Variants in ABCG1 observed in about 807,000 individuals in gnomAD.
The protein encoded by ABCG1 is ATP binding cassette subfamily G member 1.
ABCG1 carries 29 observed loss-of-function variants against 69.2 expected under a neutral mutation model. The ratio of observed to expected loss-of-function variants is 0.42; its 90% confidence interval spans 0.31 to 0.57. ABCG1 has a LOEUF of 0.57. Ranked by LOEUF, ABCG1 falls within the 20% of genes least tolerant of loss-of-function variation. The pLI is 0.15. For synonymous variants in ABCG1, 370 were observed against 374.8 expected, an observed-to-expected ratio of 0.99 and a Z score of 0.15; for missense variants, 718 against 898.1, an observed-to-expected ratio of 0.80 and a Z score of 2.56.
intron 11 of ABCG1, 101 bp from the exon 12 acceptor site, chr21:42,290,991 C>A: frequency 1.2e-6 from 1 of 843,550 alleles, no homozygotes; most frequent in Non-Finnish European, 2.0e-6. Flanking sequence ...TAGGCCAGAG[C>A]TGGGTTACCA....
chr21:42,252,584 G>C (rs1323358847), intron 2 of ABCG1, among the ~76,000 whole-genome samples: 1 of 151,998 alleles, frequency 6.6e-6, no homozygotes, highest in African/African-American at 2.4e-5. Context: ...GGTTGGTGTT[G>C]GACTATGATT....
intron 2 of ABCG1, among the ~76,000 whole-genome samples, chr21:42,238,866 C>T (rs1297475846): frequency 1.3e-5 from 2 of 152,200 alleles, no homozygotes; most frequent in Admixed American, 6.5e-5. Context: ...TGGTGGGAGC[C>T]ACAGTCTCAC....
Position 42,219,226 on chromosome 21 carries a change from CCGCCG to C in ABCG1, c.-35_-31del. On this transcript the variant is annotated 5_prime_UTR_variant, in exon 1 of 15. Coordinates refer to ENST00000398449, the MANE Select transcript of ABCG1 (RefSeq NM_016818.3). This position sits in a 1 kb window ranked among gnomAD's most constrained non-coding sequence, Gnocchi z 5.3. ...CCCCGCAGCTCAAGCCTCGTCCCCG[CCGCCG>C]CCGCCGCCGCCGCCGCCGCCGCCCC... 2 of 1,078,494 alleles carry C rather than the reference CCGCCG, an allele frequency of 1.9e-6. No individual in the cohort carries two copies. 66.8% of individuals were successfully genotyped at this position (1,078,494 alleles called of 1,614,324 possible). A position where few individuals can be genotyped will look rare whatever the true frequency, so the allele number is the denominator to read the frequency against.
In ABCG1 at chr21:42,219,620, G is replaced by A. The variant is rs2067688117; in HGVS notation, c.42+316G>A. ...TTGACCTGATGGCTTCTGGGCGGGG[G>A]GCGTGGGGAGCTGGGGACCCGGAGC... On this transcript the variant is annotated intron_variant, in intron 1 of 14. Coordinates refer to ENST00000398449, the MANE Select transcript of ABCG1 (RefSeq NM_016818.3). This position sits in a 1 kb window ranked among gnomAD's most constrained non-coding sequence, Gnocchi z 5.3. 6.6e-6 allele frequency among the ~76,000 whole-genome samples: 1 copy of A among 152,174 alleles called. No homozygotes were observed. Among genetic ancestry groups the A allele is most frequent in the Non-Finnish European group, 1.5e-5 (1 of 68,028 alleles).
rs560741226 is a variant in ABCG1, at chr21:42,244,066, A to G, written c.286+18152A>G. 1.1e-3 allele frequency among the ~76,000 whole-genome samples: 167 copies of G among 152,100 alleles called. 1 individual carries two copies. The highest frequency in any genetic ancestry group is 8.2e-3 in the Admixed American group (126 of 15,294). ...AATCTCCTGACCTCGTGATCCGCCC[A>G]TCTCGGCCTCCCAAAGTGCTGGGAT... On this transcript the variant is annotated intron_variant, in intron 2 of 14. Transcript: ENST00000398449.
intron 1 of ABCG1, among the ~76,000 whole-genome samples, chr21:42,222,727 A>G (rs998862697): frequency 3.3e-5 from 5 of 152,212 alleles, no homozygotes; most frequent in African/African-American, 7.2e-5. Context: ...CATAAACTAT[A>G]TAGGTTAGAG....
At chr21:42,224,194 T>A (rs1223451308) in intron 1 of ABCG1, among the ~76,000 whole-genome samples, 1 of 152,038 alleles carries the variant, frequency 6.6e-6, no homozygotes, top group East Asian at 1.9e-4. Context: ...TTTGTTGACA[T>A]CCCCCCTCCA....
chr21:42,260,358 G>A (rs555780443), intron 2 of ABCG1, among the ~76,000 whole-genome samples: 52 of 152,344 alleles, frequency 3.4e-4, no homozygotes, highest in Non-Finnish European at 5.6e-4. Flanking sequence ...CTCCTGCCAG[G>A]GGCTCATCAC....
intron 2 of ABCG1, among the ~76,000 whole-genome samples, chr21:42,234,835 G>A (rs2067954030): frequency 6.6e-6 from 1 of 151,190 alleles, no homozygotes; most frequent in Admixed American, 6.6e-5. Context: ...GGGCGGGTGC[G>A]CGCTGCCGCG....
intron 10 of ABCG1, 91 bp from the exon 11 acceptor site, chr21:42,289,959 G>T: frequency 2.1e-6 from 3 of 1,455,390 alleles, no homozygotes; most frequent in Admixed American, 3.5e-5. Flanking sequence ...AGAGTTCAGG[G>T]TCCCATGCTT....
intron 1 of ABCG1, among the ~76,000 whole-genome samples, chr21:42,224,914 T>G (rs1196695238): frequency 6.6e-6 from 1 of 152,298 alleles, no homozygotes; most frequent in East Asian, 1.9e-4. Context: ...AGATTAGGTA[T>G]TCTCTTGATG....
In ABCG1 at chr21:42,271,112, G is replaced by A. The variant is rs751574074; in HGVS notation, c.329G>A (p.Ser110Asn). The change falls in exon 3 of 15, where the codon AGT (serine) becomes AAT (asparagine). Residue 110 changes from serine to asparagine, a missense_variant. Physicochemically the swap from Ser to Asn is conservative, Grantham distance 46. Coordinates refer to ENST00000398449, the MANE Select transcript of ABCG1 (RefSeq NM_016818.3). ...LLKGISGKFN[S>N]GELVAIMGPS... The stretch of plus-strand genomic sequence containing the variant: ...AAAGGAATTTCCGGGAAGTTCAATA[G>A]TGGTGAGTTGGTGGCCATTATGGGT... 11 of 1,581,390 alleles carry A rather than the reference G, an allele frequency of 7.0e-6. No homozygotes were observed. The highest frequency in any genetic ancestry group is 9.4e-6 in the Non-Finnish European group (11 of 1,166,812).
At chr21:42,220,417 A>G (rs1217740144) in intron 1 of ABCG1, among the ~76,000 whole-genome samples, 1 of 150,730 alleles carries the variant, frequency 6.6e-6, no homozygotes, top group African/African-American at 2.5e-5. Context: ...CCTTGAGCTC[A>G]AGAGAAAAAA....
intron 2 of ABCG1, among the ~76,000 whole-genome samples, chr21:42,233,090 C>G (rs225441): frequency 0.44 from 67,415 of 152,064 alleles, 15,533 homozygotes; most frequent in African/African-American, 0.57. Context: ...TGTGAAAAAA[C>G]GCAAAAAGAT....
At chr21:42,239,889 G>T (rs2068026911) in intron 2 of ABCG1, among the ~76,000 whole-genome samples, 1 of 152,252 alleles carries the variant, frequency 6.6e-6, no homozygotes, top group African/African-American at 2.4e-5. Flanking sequence ...GAATCAGCTA[G>T]CTGGGCAAGG....
At position 42,222,957 on chromosome 21, in the gene ABCG1, T is replaced by C. The variant is rs530814018; in HGVS notation, c.43-2714T>C. On this transcript the variant is annotated intron_variant, in intron 1 of 14. Coordinates refer to ENST00000398449, the MANE Select transcript of ABCG1 (RefSeq NM_016818.3). ...TACCAACAGCAGATCCAGGCCACCA[T>C]CACCCCACCTGGCTCACAGCAGGAG... 2.0e-5 allele frequency among the ~76,000 whole-genome samples: 3 copies of C among 152,250 alleles called. No homozygotes were observed. In the South Asian group the frequency reaches 6.2e-4, roughly 32 times the overall value.
chr21:42,243,348 C>T (rs1189723006), intron 2 of ABCG1, among the ~76,000 whole-genome samples: 2 of 151,748 alleles, frequency 1.3e-5, no homozygotes, highest in Admixed American at 6.6e-5. Context: ...GGCAGAAGTG[C>T]CTGGATTCAG....
intron 14 of ABCG1, chr21:42,295,045 G>T (rs2069177122): frequency 4.8e-6 from 1 of 206,256 alleles, no homozygotes; most frequent in Non-Finnish European, 1.0e-5. Context: ...TGGGAGTCAG[G>T]CGTGGTGGCT....
chr21:42,262,680 A>G (rs1397747622), intron 2 of ABCG1, among the ~76,000 whole-genome samples: 1 of 152,126 alleles, frequency 6.6e-6, no homozygotes, highest in East Asian at 1.9e-4. Flanking sequence ...TGGCAAAGGC[A>G]CTCTTGGCCC....
Sources: allele counts gnomAD v4.1 joint callset (sites outside exome capture counted in the v4.1 genomes callset), GRCh38; gene constraint gnomAD v4.1.1; non-coding constraint Gnocchi (gnomAD v3.1); transcripts MANE v1.5; gene names NCBI Gene and HGNC (gene_info 2026-07-23, HGNC 2026-07-21).